STPG1: variants seen among roughly 807,000 people sequenced by gnomAD.
The protein encoded by STPG1 is sperm tail PG-rich repeat containing 1, also known as O(6)-methylguanine-induced apoptosis 2.
STPG1 carries 33 observed loss-of-function variants against 40.1 expected under a neutral mutation model. That is an observed-to-expected ratio of 0.82 (90% CI 0.62 to 1.10). The LOEUF is 1.10. STPG1 is among the 50% of genes least tolerant of loss of function. The probability of loss-of-function intolerance (pLI) is 0.00; values close to 1 mark genes in which losing one functional copy is unlikely to be tolerated. For synonymous variants in STPG1, 150 were observed against 155.0 expected, an observed-to-expected ratio of 0.97 and a Z score of 0.24; for missense variants, 396 against 415.1, an observed-to-expected ratio of 0.95 and a Z score of 0.40.
chr1:24,371,206 C>G (rs1641721676), intron 6 of STPG1, among the ~76,000 whole-genome samples: 1 of 152,104 alleles, frequency 6.6e-6, no homozygotes, highest in Admixed American at 6.5e-5. Context: ...AATACTGGCT[C>G]CTTAATTTAT....
At position 24,361,059 on chromosome 1, in the gene STPG1, CG is replaced by C; in HGVS notation, c.738-19del. 6.3e-7 allele frequency: 1 copy of C among 1,593,422 alleles called. No homozygotes were observed. Among genetic ancestry groups the C allele is most frequent in the South Asian group, 1.1e-5 (1 of 87,860 alleles). On this transcript the variant is annotated intron_variant, in intron 7 of 8. Transcript: ENST00000337248. ...GGTTTTTCCTTTGGGAAAGATAAAACGGGAAGATGTCACTAAGGCAGTCTAG... is the reference window on the plus strand; with the variant it reads ...GGTTTTTCCTTTGGGAAAGATAAAACGGAAGATGTCACTAAGGCAGTCTAG...
chr1:24,390,752 TTTTG>T (rs780112195), intron 3 of STPG1, among the ~76,000 whole-genome samples: 2 of 151,858 alleles, frequency 1.3e-5, no homozygotes, highest in African/African-American at 2.4e-5. Flanking sequence ...TTTTTTTGTT[TTTTG>T]TTTTTTTGTT....
chr1:24,371,659 A>G (rs1641749818), intron 6 of STPG1, among the ~76,000 whole-genome samples: 1 of 152,152 alleles, frequency 6.6e-6, no homozygotes, highest in Non-Finnish European at 1.5e-5. Context: ...AGCAGCATTT[A>G]CAATACTGGA....
At position 24,369,845 on chromosome 1, in the gene STPG1, G is replaced by C. The variant is rs375937616; in HGVS notation, c.572-6C>G. The C allele has an allele frequency of 6.3e-6, 10 of 1,579,598 alleles. No individual in the cohort carries two copies. The highest frequency in any genetic ancestry group is 3.4e-5 in the South Asian group (3 of 87,118). On this transcript the variant is annotated splice_region_variant and splice_polypyrimidine_tract_variant and intron_variant, in intron 6 of 8. Coordinates refer to ENST00000337248, the MANE Select transcript of STPG1 (RefSeq NM_001199013.2). ...TTCGTTGATATCATAATGCCCTAAG[G>C]AGAAAGAAATTTTAGGACAGAATAA...
intron 7 of STPG1, chr1:24,364,132 C>A: frequency 6.8e-7 from 1 of 1,468,570 alleles, no homozygotes; most frequent in South Asian, 1.4e-5. Context: ...TGAGAAACAC[C>A]AACTTTCCCT....
intron 1 of STPG1, among the ~76,000 whole-genome samples, chr1:24,411,424 A>G (rs1055183033): frequency 2.0e-5 from 3 of 152,110 alleles, no homozygotes; most frequent in Non-Finnish European, 2.9e-5. Context: ...TTAGCACCCG[A>G]GTGGGTATGA....
chr1:24,358,687 T>C (rs1235815193), intron 8 of STPG1, 68 bp from the exon 9 acceptor site: 8 of 1,294,840 alleles, frequency 6.2e-6, no homozygotes, highest in South Asian at 1.3e-5. Context: ...TCTGGCATTC[T>C]ACCTCAGAGC....
At chr1:24,364,302 G>A in intron 7 of STPG1, 2 of 1,549,906 alleles carry the variant, frequency 1.3e-6, no homozygotes, top group South Asian at 2.4e-5. Flanking sequence ...TTTGGAGGCA[G>A]AGGGACCTGG....
At chr1:24,398,354 G>A (rs1032257304) in intron 2 of STPG1, among the ~76,000 whole-genome samples, 6 of 152,008 alleles carry the variant, frequency 3.9e-5, no homozygotes, top group African/African-American at 1.4e-4. Context: ...CTGATAAAAG[G>A]TGTCTATAAC....
chr1:24,396,796 T>C (rs1643024147), intron 2 of STPG1, among the ~76,000 whole-genome samples: 1 of 152,084 alleles, frequency 6.6e-6, no homozygotes, highest in African/African-American at 2.4e-5. Context: ...ATGGGACGAA[T>C]AGAAAGCAAG....
intron 7 of STPG1, among the ~76,000 whole-genome samples, chr1:24,361,245 G>C (rs950535337): frequency 2.0e-5 from 3 of 152,188 alleles, no homozygotes; most frequent in Non-Finnish European, 4.4e-5. Flanking sequence ...ATCATGATGG[G>C]ACCTACTTTG....
intron 3 of STPG1, among the ~76,000 whole-genome samples, chr1:24,390,046 T>C (rs1366778615): frequency 6.6e-6 from 1 of 152,236 alleles, no homozygotes; most frequent in Non-Finnish European, 1.5e-5. Flanking sequence ...ACTCCATGCC[T>C]TGGCTCCGTT....
At chr1:24,378,990 G>A (rs1259438999) in intron 5 of STPG1, among the ~76,000 whole-genome samples, 1 of 152,172 alleles carries the variant, frequency 6.6e-6, no homozygotes, top group African/African-American at 2.4e-5. Context: ...TGTGACTGGT[G>A]CTGTCCTGGG....
intron 2 of STPG1, among the ~76,000 whole-genome samples, chr1:24,393,659 A>G (rs1295574463): frequency 6.6e-6 from 1 of 152,228 alleles, no homozygotes; most frequent in African/African-American, 2.4e-5. Context: ...CAATTTAAAA[A>G]GTAGAATTTT....
At chr1:24,382,993 C>T (rs539119685) in intron 4 of STPG1, among the ~76,000 whole-genome samples, 5 of 147,322 alleles carry the variant, frequency 3.4e-5, no homozygotes, top group African/African-American at 1.3e-4. Flanking sequence ...TTCACTGCAG[C>T]CTCAACCTCC....
intron 2 of STPG1, among the ~76,000 whole-genome samples, chr1:24,395,636 G>A (rs1642968113): frequency 2.0e-5 from 3 of 152,068 alleles, no homozygotes; most frequent in African/African-American, 7.2e-5. Flanking sequence ...GTTTCACCGT[G>A]TTAGCCAGGA....
intron 2 of STPG1, chr1:24,401,032 T>G (rs892834252): frequency 3.0e-6 from 1 of 331,414 alleles, no homozygotes; most frequent in African/African-American, 2.1e-5. Context: ...ATATCTAAAT[T>G]TGAGGATAGA....
At chr1:24,410,371 G>T (rs1001372395) in intron 1 of STPG1, among the ~76,000 whole-genome samples, 1 of 152,184 alleles carries the variant, frequency 6.6e-6, no homozygotes, top group Non-Finnish European at 1.5e-5. Context: ...AGCACTTTGC[G>T]AGGCCGAGGT....
In STPG1 at chr1:24,401,471, CA is replaced by C; in HGVS notation, c.-68-16del. Reference sequence around the variant, plus strand: ...CTCCTAAGCACCTGAAACAGCAAAACACAGCATTTGTAGAGATCATTTCACA... The same window carrying C: ...CTCCTAAGCACCTGAAACAGCAAAACCAGCATTTGTAGAGATCATTTCACA... On this transcript the variant is annotated splice_polypyrimidine_tract_variant and intron_variant, in intron 1 of 8. Coordinates refer to ENST00000337248, the MANE Select transcript of STPG1 (RefSeq NM_001199013.2). The C allele has an allele frequency of 8.7e-7, 1 of 1,150,170 alleles. No homozygotes were observed. Among genetic ancestry groups the C allele is most frequent in the Non-Finnish European group, 1.3e-6 (1 of 767,268 alleles). The allele number at this position is 1,150,170 out of a possible 1,614,324, so 71.2% of individuals were successfully genotyped here.
Sources: allele counts gnomAD v4.1 joint callset (sites outside exome capture counted in the v4.1 genomes callset), GRCh38; gene constraint gnomAD v4.1.1; transcripts MANE v1.5; gene names NCBI Gene and HGNC (gene_info 2026-07-23, HGNC 2026-07-21).